Variants in PAX3 observed in about 807,000 individuals in gnomAD.
PAX3 encodes paired box protein Pax-3.
PAX3 carries 14 observed loss-of-function variants against 51.6 expected under a neutral mutation model. The observed-to-expected ratio is 0.27, with a 90% CI of 0.18 to 0.42. PAX3 has a LOEUF of 0.42. Ranked by LOEUF, PAX3 falls within the 10% of genes least tolerant of loss-of-function variation. The probability of loss-of-function intolerance (pLI) is 1.00; values close to 1 mark genes in which losing one functional copy is unlikely to be tolerated. For missense variants in PAX3, 540 were observed against 642.8 expected (o/e 0.84, Z 1.73); for synonymous variants, 280 against 253.4 (o/e 1.11, Z -1.00).
intron 4 of PAX3, among the ~76,000 whole-genome samples, chr2:222,269,108 G>A (rs1694157874): frequency 6.6e-6 from 1 of 152,178 alleles, no homozygotes. Context: ...GATTGACATG[G>A]CCCTGTCTGG....
At chr2:222,285,580 G>A (rs1330664918) in intron 4 of PAX3, among the ~76,000 whole-genome samples, 1 of 152,222 alleles carries the variant, frequency 6.6e-6, no homozygotes, top group African/African-American at 2.4e-5. Context: ...ATGCAAATGT[G>A]TATGTGACCG....
At chr2:222,212,850 C>G (rs951729027) in intron 7 of PAX3, among the ~76,000 whole-genome samples, 24 of 152,306 alleles carry the variant, frequency 1.6e-4, no homozygotes, top group African/African-American at 5.5e-4. Flanking sequence ...GCCATTGGCC[C>G]CACATAATAT....
At chr2:222,239,631 G>T (rs1326825567) in intron 4 of PAX3, among the ~76,000 whole-genome samples, 1 of 152,010 alleles carries the variant, frequency 6.6e-6, no homozygotes, top group Admixed American at 6.5e-5. Context: ...TCTTAACCCA[G>T]AACTAGGGTC....
At chr2:222,242,837 T>A (rs1341036846) in intron 4 of PAX3, 1 of 152,238 alleles carries the variant, frequency 6.6e-6, no homozygotes, top group African/African-American at 2.4e-5. Flanking sequence ...GAACTTTGAA[T>A]AAGACATGAG....
intron 4 of PAX3, among the ~76,000 whole-genome samples, chr2:222,268,497 T>C (rs917496151): frequency 1.3e-5 from 2 of 152,170 alleles, no homozygotes; most frequent in African/African-American, 4.8e-5. Flanking sequence ...TGCAACTCGC[T>C]GTGGCTATGC....
At position 222,202,542 on chromosome 2, in the gene PAX3, A is replaced by C. The variant is rs564124715; in HGVS notation, c.1174-352T>G. ...GGGAAAAAAGGATGAAAAGAGGGAG[A>C]AATTGTATCTGTTCATACAGAAAAA... is the stretch of plus-strand genomic sequence containing the variant. On this transcript the variant is annotated intron_variant, in intron 7 of 8. Coordinates refer to ENST00000392070, the MANE Select transcript of PAX3 (RefSeq NM_181458.4). 9.3e-4 allele frequency among the ~76,000 whole-genome samples: 141 copies of C among 152,220 alleles called. 1 individual carries two copies. The highest frequency in any genetic ancestry group is 4.2e-4 in the South Asian group (2 of 4,816).
At chr2:222,222,484 A>C (rs1314971575) in intron 5 of PAX3, among the ~76,000 whole-genome samples, 2 of 151,026 alleles carry the variant, frequency 1.3e-5, no homozygotes, top group Admixed American at 6.6e-5. Context: ...GTTCAACCCA[A>C]CCTCCGCCTC....
chr2:222,265,205 T>A (rs564665622), intron 4 of PAX3: 2 of 152,290 alleles, frequency 1.3e-5, no homozygotes, highest in African/African-American at 4.8e-5. Context: ...GAGTGGCTTG[T>A]TTGTGTGGAT....
intron 4 of PAX3, among the ~76,000 whole-genome samples, chr2:222,258,590 G>A (rs555176885): frequency 6.6e-6 from 1 of 152,094 alleles, no homozygotes; most frequent in Non-Finnish European, 1.5e-5. Flanking sequence ...CACTTTTTCT[G>A]AAGATGCCTT....
chr2:222,243,763 A>G (rs1693107429), intron 4 of PAX3, among the ~76,000 whole-genome samples: 1 of 152,260 alleles, frequency 6.6e-6, no homozygotes, highest in Non-Finnish European at 1.5e-5. Flanking sequence ...AGGGTAGCAC[A>G]GGAAGCTTGT....
intron 7 of PAX3, among the ~76,000 whole-genome samples, chr2:222,207,220 G>T (rs1422849213): frequency 3.3e-5 from 5 of 152,154 alleles, no homozygotes. Context: ...TATCTTTGAG[G>T]TTAAAAACCT....
chr2:222,258,018 C>A (rs1363282406), intron 4 of PAX3, among the ~76,000 whole-genome samples: 2 of 152,244 alleles, frequency 1.3e-5, no homozygotes, highest in Non-Finnish European at 2.9e-5. Flanking sequence ...ATTCAAGAGA[C>A]ACCCTTCCAT....
At chr2:222,294,072 G>C (rs753603007) in intron 4 of PAX3, 95 bp downstream of exon 4, 3 of 1,591,836 alleles carry the variant, frequency 1.9e-6, no homozygotes, top group Non-Finnish European at 2.6e-6. Flanking sequence ...ACCTTGATCC[G>C]AGCTGGGCTT....
In PAX3 at chr2:222,293,729, C is replaced by T. The variant is rs750122824; in HGVS notation, c.586+438G>A. 11 of 1,614,132 alleles carry T rather than the reference C, an allele frequency of 6.8e-6. 1 individual carries two copies. The South Asian group carries it at 7.7e-5, about 11-fold the overall frequency. ...TACTCTCTCTCTCTCTCCTTTAATG[C>T]GAGGAAACTCCGGAGACCAGGGCCT... On this transcript the variant is annotated intron_variant, in intron 4 of 8. Coordinates refer to ENST00000392070, the MANE Select transcript of PAX3 (RefSeq NM_181458.4).
intron 4 of PAX3, among the ~76,000 whole-genome samples, chr2:222,239,382 G>A (rs1692920896): frequency 6.6e-6 from 1 of 151,984 alleles, no homozygotes; most frequent in African/African-American, 2.4e-5. Flanking sequence ...TACACAGTAG[G>A]GGTTAATCCA....
In PAX3 at chr2:222,200,913, GA is replaced by G; in HGVS notation, c.*494del. 1.9e-6 allele frequency: 1 copy of G among 528,380 alleles called. No homozygotes were observed. Among genetic ancestry groups the G allele is most frequent in the East Asian group, 3.2e-5 (1 of 31,668 alleles). 32.7% of individuals were successfully genotyped at this position (528,380 alleles called of 1,614,324 possible). A position where few individuals can be genotyped will look rare whatever the true frequency, so the allele number is the denominator to read the frequency against. ...AAGGATTCCTCCATTCTTGCTTCAT[GA>G]AATGAGCAGTTTTAAAGTTGTAGAA... On this transcript the variant is annotated 3_prime_UTR_variant, in exon 9 of 9. Transcript: ENST00000392070.
rs959879550 is a variant in PAX3 at position 222,298,589 on chromosome 2, G to A, written c.27C>T (p.Pro9=). The A allele has an allele frequency of 1.2e-6, 2 of 1,608,364 alleles. No homozygotes were observed. The highest frequency in any genetic ancestry group is 2.2e-5 in the East Asian group (1 of 44,612). The change falls in exon 1 of 9, where the codon CCC becomes CCT. Residue 9 remains proline (P), a synonymous_variant. Transcript: ENST00000392070. MTTLAGAV[P]RMMRPGPGQN... Reference sequence around the variant, plus strand: ...GCCCCGGGCCCGGCCGCATCATCCTGGGCACAGCGCCGGCCAGCGTGGTCA... The same window carrying A: ...GCCCCGGGCCCGGCCGCATCATCCTAGGCACAGCGCCGGCCAGCGTGGTCA...
chr2:222,218,033 G>A (rs1446239368), intron 7 of PAX3, among the ~76,000 whole-genome samples: 1 of 152,198 alleles, frequency 6.6e-6, no homozygotes, highest in Non-Finnish European at 1.5e-5. Context: ...ACTCAGTGGG[G>A]TTGCTACAAA....
chr2:222,231,987 T>G (rs1574661615), intron 5 of PAX3, 91 bp downstream of exon 5: 7 of 1,138,014 alleles, frequency 6.2e-6, no homozygotes, highest in East Asian at 2.3e-5. Context: ...AATACATTTT[T>G]GGGGGGGATT....
Sources: gnomAD v4.1 joint callset for allele counts (sites outside exome capture counted in the v4.1 genomes callset) on GRCh38, gnomAD v4.1.1 for gene constraint, MANE v1.5 for transcripts, NCBI Gene and HGNC (gene_info 2026-07-23, HGNC 2026-07-21) for gene names.